DMD: variants seen among roughly 807,000 people sequenced by gnomAD.
The protein encoded by DMD is mutant dystrophin.
A neutral mutation model predicts 330.1 loss-of-function variants in DMD; 63 were observed. The observed-to-expected ratio is 0.19, with a 90% CI of 0.16 to 0.24. DMD has a LOEUF of 0.24. Among genes scored for constraint, DMD ranks in the 10% least tolerant of loss-of-function variants. The pLI is 1.00. For synonymous variants in DMD, 1,223 were observed against 959.8 expected (o/e 1.27, Z -5.07); for missense variants, 3,344 against 2,684.1 (o/e 1.25, Z -5.43).
chrX:31,669,195 A>G (rs1273523562), intron 53 of DMD, among the ~76,000 whole-genome samples: 7 of 112,212 alleles, frequency 6.2e-5, no homozygotes, highest in Non-Finnish European at 1.3e-4. Context: ...ACTGTTCTCC[A>G]TAATGGTTGT....
At position 32,792,358 on chromosome X, in the gene DMD, C is replaced by T. The variant is rs191030462; in HGVS notation, c.649+17135G>A. Among the ~76,000 whole-genome samples the T allele has an allele frequency of 2.5e-3, 275 of 110,689 alleles. 4 individuals are homozygous for T. The highest frequency in any genetic ancestry group is 0.023 in the Admixed American group (237 of 10,427). On this transcript the variant is annotated intron_variant, in intron 7 of 78. Coordinates refer to ENST00000357033, the MANE Select transcript of DMD (RefSeq NM_004006.3). ...ATCAAGAAAAGTTACTCAAATGTTA[C>T]CACTAAAGAATACCATCACACTATA...
intron 60 of DMD, among the ~76,000 whole-genome samples, chrX:31,417,096 C>T (rs1474099522): frequency 9.0e-6 from 1 of 111,440 alleles, no homozygotes; most frequent in East Asian, 2.8e-4. Flanking sequence ...TATGAGGAAC[C>T]AGGAAATGCC....
intron 1 of DMD, among the ~76,000 whole-genome samples, chrX:33,251,895 A>G (rs930431181): frequency 3.6e-5 from 4 of 112,333 alleles, no homozygotes; most frequent in African/African-American, 1.3e-4. Flanking sequence ...AATGTGTGAA[A>G]TAAGAACTTT....
chrX:31,670,960 C>T (rs891986068), intron 53 of DMD, among the ~76,000 whole-genome samples: 6 of 109,171 alleles, frequency 5.5e-5, no homozygotes, highest in Admixed American at 2.9e-4. Flanking sequence ...TCGCCCAGGC[C>T]GGACTGCAGT....
At chrX:32,364,767 T>G in intron 35 of DMD, 57 bp from the exon 36 acceptor site, 1 of 1,150,975 alleles carries the variant, frequency 8.7e-7, no homozygotes. Context: ...TCTTAAAGAA[T>G]TTTTCCTATG....
intron 51 of DMD, among the ~76,000 whole-genome samples, chrX:31,754,872 G>T (rs979782636): frequency 1.8e-5 from 2 of 111,725 alleles, no homozygotes; most frequent in Non-Finnish European, 3.8e-5. Flanking sequence ...TATATACAAA[G>T]AAATTTTTAG....
At chrX:32,070,609 CTA>C (rs1186534526) in intron 44 of DMD, among the ~76,000 whole-genome samples, 4 of 108,019 alleles carry the variant, frequency 3.7e-5, no homozygotes, top group Non-Finnish European at 1.9e-5. Flanking sequence ...GTACGTGTGT[CTA>C]TATATATATA....
intron 9 of DMD, among the ~76,000 whole-genome samples, chrX:32,673,375 T>C (rs1198451553): frequency 9.0e-6 from 1 of 111,323 alleles, no homozygotes; most frequent in Non-Finnish European, 1.9e-5. Context: ...TGCCACCTAC[T>C]GGCCTCTTTA....
At chrX:32,114,926 C>G (rs945416995) in intron 44 of DMD, among the ~76,000 whole-genome samples, 1 of 112,083 alleles carries the variant, frequency 8.9e-6, no homozygotes, top group Non-Finnish European at 1.9e-5. Flanking sequence ...GTGAAAATGT[C>G]TTTTATCAAG....
At chrX:31,310,197 CTCTCTCTCCATAT>C (rs2055371185) in intron 62 of DMD, among the ~76,000 whole-genome samples, 3 of 73,781 alleles carry the variant, frequency 4.1e-5, no homozygotes, top group African/African-American at 7.4e-5. Flanking sequence ...CTCTCTCTCT[CTCTCTCTCCATAT>C]ATATATATAT....
chrX:32,728,346 A>G (rs2067135972), intron 7 of DMD, among the ~76,000 whole-genome samples: 1 of 111,871 alleles, frequency 8.9e-6, no homozygotes, highest in African/African-American at 3.2e-5. Context: ...GTTGTAATAC[A>G]GGCAAAATAT....
chrX:31,531,416 C>T (rs2073816299), intron 55 of DMD, among the ~76,000 whole-genome samples: 1 of 48,737 alleles, frequency 2.1e-5, no homozygotes, highest in Non-Finnish European at 3.6e-5. Flanking sequence ...TTGCATTTCT[C>T]TGATGGCCAG....
Position 31,792,558 on chromosome X carries a change from T to G in DMD, c.7310-18366A>C. On this transcript the variant is annotated intron_variant, in intron 50 of 78. Transcript: ENST00000357033. ...CTTTCATTTAAGTATTATTACTGAATAATTACTAACTTAGTAAAGGGTTTA... is the reference window on the plus strand; with the variant it reads ...CTTTCATTTAAGTATTATTACTGAAGAATTACTAACTTAGTAAAGGGTTTA... Among the ~76,000 whole-genome samples, 2 of 112,685 alleles carry G rather than the reference T, an allele frequency of 1.8e-5. 1 individual carries two copies. The highest frequency in any genetic ancestry group is 8.4e-3 in the Middle Eastern group (2 of 239).
At chrX:31,630,744 T>C (rs5972423) in intron 54 of DMD, among the ~76,000 whole-genome samples, 1,937 of 111,769 alleles carry the variant, frequency 0.017, 20 homozygotes, top group East Asian at 0.04. Flanking sequence ...TTTTTTTAAA[T>C]TCCTTTGTCC....
intron 44 of DMD, among the ~76,000 whole-genome samples, chrX:32,185,660 C>G (rs778151586): frequency 1.8e-5 from 2 of 111,363 alleles, no homozygotes; most frequent in Admixed American, 1.9e-4. Flanking sequence ...TACATTTGAG[C>G]TTATCAGTCT....
At chrX:32,911,230 G>T (rs1311714829) in intron 2 of DMD, among the ~76,000 whole-genome samples, 1 of 111,872 alleles carries the variant, frequency 8.9e-6, no homozygotes, top group African/African-American at 3.2e-5. Flanking sequence ...CATTATATTT[G>T]TAATGTACCA....
At chrX:31,956,156 T>C (rs1280729966) in intron 45 of DMD, among the ~76,000 whole-genome samples, 2 of 111,645 alleles carry the variant, frequency 1.8e-5, no homozygotes, top group African/African-American at 6.5e-5. Context: ...ATAGTCATCT[T>C]GATCCATGAG....
intron 60 of DMD, among the ~76,000 whole-genome samples, chrX:31,368,348 C>T (rs371873391): frequency 3.6e-5 from 4 of 111,978 alleles, no homozygotes; most frequent in African/African-American, 1.3e-4. Flanking sequence ...ATCTTTCCGA[C>T]GTTGTGTGAA....
At chrX:31,287,009 C>T (rs1421613260) in intron 62 of DMD, among the ~76,000 whole-genome samples, 1 of 112,464 alleles carries the variant, frequency 8.9e-6, no homozygotes, top group African/African-American at 3.2e-5. Flanking sequence ...AAGCGATCTG[C>T]CCTCCTCGGC....
Sources: gnomAD v4.1 joint callset for allele counts (sites outside exome capture counted in the v4.1 genomes callset) on GRCh38, gnomAD v4.1.1 for gene constraint, MANE v1.5 for transcripts, NCBI Gene and HGNC (gene_info 2026-07-23, HGNC 2026-07-21) for gene names.